MBD5: variants seen among roughly 807,000 people sequenced by gnomAD.
The protein encoded by MBD5 is methyl-CpG-binding domain protein 5.
In MBD5, 13 loss-of-function variants were observed where a neutral mutation model predicts 117.3. That is an observed-to-expected ratio of 0.11 (90% confidence interval 0.07 to 0.18). MBD5 has a LOEUF of 0.18. Among genes scored for constraint, MBD5 ranks in the 10% least tolerant of loss-of-function variants. The probability of loss-of-function intolerance (pLI) is 1.00; values close to 1 mark genes in which losing one functional copy is unlikely to be tolerated. For synonymous variants in MBD5, 727 were observed against 766.4 expected (o/e 0.95, Z 0.85); for missense variants, 1,879 against 2,093.8 (o/e 0.90, Z 2.00).
chr2:148,042,218 T>C (rs1007324482), intron 1 of MBD5, among the ~76,000 whole-genome samples: 1 of 152,182 alleles, frequency 6.6e-6, no homozygotes, highest in African/African-American at 2.4e-5. Flanking sequence ...ATATAAATAG[T>C]GGTGATCAAG....
chr2:148,155,269 G>A (rs193290714), intron 1 of MBD5, among the ~76,000 whole-genome samples: 1 of 152,232 alleles, frequency 6.6e-6, no homozygotes, highest in East Asian at 1.9e-4. Flanking sequence ...AGTCACGTGG[G>A]TACCTGGGGG....
Position 148,386,023 on chromosome 2 carries a change from A to G in MBD5, c.-557+43687A>G. 1.3e-5 allele frequency among the ~76,000 whole-genome samples: 2 copies of G among 150,510 alleles called. 1 individual carries two copies. The highest frequency in any genetic ancestry group is 4.0e-4 in the East Asian group (2 of 4,996). On this transcript the variant is annotated intron_variant, in intron 4 of 13. Coordinates refer to ENST00000642680, the MANE Select transcript of MBD5 (RefSeq NM_001378120.1). ...ATACCTAATGCTAAATGAGGAGTTA[A>G]TGGGTGCAGCACACCAACATGGCAC...
intron 1 of MBD5, among the ~76,000 whole-genome samples, chr2:148,064,236 C>A (rs1695121730): frequency 6.6e-6 from 1 of 151,634 alleles, no homozygotes; most frequent in South Asian, 2.1e-4. Flanking sequence ...CGCCATTCTC[C>A]CGCCTAGTAG....
chr2:148,268,940 T>C (rs1444815787), intron 3 of MBD5, among the ~76,000 whole-genome samples: 4 of 152,068 alleles, frequency 2.6e-5, no homozygotes, highest in Non-Finnish European at 5.9e-5. Flanking sequence ...CCTAGTACAA[T>C]GCTTGGCATA....
At chr2:148,069,565 A>G (rs927213059) in intron 1 of MBD5, among the ~76,000 whole-genome samples, 3 of 152,190 alleles carry the variant, frequency 2.0e-5, no homozygotes, top group South Asian at 2.1e-4. Flanking sequence ...GCTATGTCAC[A>G]ATGCTGGGTA....
chr2:148,293,147 CAA>C (rs35179123), intron 3 of MBD5, among the ~76,000 whole-genome samples: 91 of 84,910 alleles, frequency 1.1e-3, no homozygotes, highest in African/African-American at 3.5e-3. Context: ...AACCTTGCCT[CAA>C]AAAAAAAAAA....
intron 1 of MBD5, among the ~76,000 whole-genome samples, chr2:148,160,079 A>G (rs1462158633): frequency 1.3e-5 from 2 of 152,152 alleles, no homozygotes; most frequent in African/African-American, 4.8e-5. Flanking sequence ...TTCTAGACAT[A>G]TAGAACCCAA....
chr2:148,326,051 G>T (rs1480570232), intron 3 of MBD5, among the ~76,000 whole-genome samples: 2 of 152,192 alleles, frequency 1.3e-5, no homozygotes, highest in African/African-American at 2.4e-5. Flanking sequence ...GTTCTCATTG[G>T]TTTCAAAGAA....
intron 3 of MBD5, among the ~76,000 whole-genome samples, chr2:148,334,570 G>A (rs1196746396): frequency 6.6e-6 from 1 of 152,100 alleles, no homozygotes; most frequent in Non-Finnish European, 1.5e-5. Flanking sequence ...CTGGTCTCAA[G>A]TGATCCCCTT....
intron 5 of MBD5, among the ~76,000 whole-genome samples, chr2:148,459,718 G>A (rs1707007374): frequency 6.6e-6 from 1 of 152,108 alleles, no homozygotes. Context: ...GAATTTGCCA[G>A]TCCAGCAAGA....
chr2:148,045,405 G>T (rs1694490765), intron 1 of MBD5, among the ~76,000 whole-genome samples: 1 of 152,084 alleles, frequency 6.6e-6, no homozygotes, highest in African/African-American at 2.4e-5. Flanking sequence ...GTTCATATTA[G>T]AAACCTATAA....
intron 8 of MBD5, among the ~76,000 whole-genome samples, chr2:148,477,087 T>C (rs1422583822): frequency 2.0e-5 from 3 of 151,958 alleles, no homozygotes; most frequent in African/African-American, 7.3e-5. Flanking sequence ...AGAGTAACTA[T>C]ATGTGTTAAG....
intron 1 of MBD5, among the ~76,000 whole-genome samples, chr2:148,118,057 G>A (rs1031446891): frequency 6.6e-6 from 1 of 152,150 alleles, no homozygotes; most frequent in East Asian, 1.9e-4. Context: ...GGTATTACCA[G>A]TATTCCACTA....
intron 1 of MBD5, among the ~76,000 whole-genome samples, chr2:148,048,216 A>G (rs1408777917): frequency 6.6e-6 from 1 of 152,202 alleles, no homozygotes; most frequent in East Asian, 1.9e-4. Flanking sequence ...GGGATAATGC[A>G]TACAAAGTTG....
chr2:148,071,344 G>A (rs1474362594), intron 1 of MBD5: 1 of 150,382 alleles, frequency 6.6e-6, no homozygotes, highest in South Asian at 2.1e-4. Flanking sequence ...ATGGGTTTAT[G>A]TATATGTAAA....
intron 1 of MBD5, among the ~76,000 whole-genome samples, chr2:148,073,697 C>T (rs1695419327): frequency 1.3e-5 from 2 of 152,100 alleles, no homozygotes; most frequent in African/African-American, 4.8e-5. Flanking sequence ...ACACAACAAC[C>T]CCATGAGAGA....
intron 2 of MBD5, among the ~76,000 whole-genome samples, chr2:148,195,626 T>C (rs1698964478): frequency 6.6e-6 from 1 of 152,256 alleles, no homozygotes; most frequent in East Asian, 1.9e-4. Context: ...TATAGAACAT[T>C]AATCATGATA....
At chr2:148,285,061 C>T (rs1404038694) in intron 3 of MBD5, among the ~76,000 whole-genome samples, 3 of 152,182 alleles carry the variant, frequency 2.0e-5, no homozygotes, top group Non-Finnish European at 2.9e-5. Flanking sequence ...TCTGGTCCTT[C>T]TTCTCTTGAT....
intron 3 of MBD5, among the ~76,000 whole-genome samples, chr2:148,308,125 AG>A (rs1305292732): frequency 1.1e-4 from 16 of 152,198 alleles, no homozygotes; most frequent in Non-Finnish European, 1.2e-4. Context: ...TCCTTATAAT[AG>A]AGTGATATAT....
Sources: allele counts gnomAD v4.1 joint callset (sites outside exome capture counted in the v4.1 genomes callset), GRCh38; gene constraint gnomAD v4.1.1; transcripts MANE v1.5; gene names NCBI Gene and HGNC (gene_info 2026-07-23, HGNC 2026-07-21).